The following WDR7 variants were observed in gnomAD, a reference collection of about 807,000 sequenced individuals.
WDR7 encodes the protein WD repeat-containing protein 7.
Under a neutral mutation model 169.4 loss-of-function variants are expected in WDR7, and 46 were observed. The ratio of observed to expected loss-of-function variants is 0.27; its 90% CI spans 0.21 to 0.35. The LOEUF (loss-of-function observed/expected upper bound fraction) is 0.35, where lower values mean the gene tolerates loss of function less well. Among genes scored for constraint, WDR7 ranks in the 10% least tolerant of loss-of-function variants. WDR7 has a pLI of 1.00. For synonymous variants in WDR7, 612 were observed against 666.8 expected (o/e 0.92, Z 1.27); for missense variants, 1,534 against 1,859.3 (o/e 0.83, Z 3.22).
chr18:56,711,613 A>C (rs1397095822), intron 12 of WDR7, among the ~76,000 whole-genome samples: 1 of 152,136 alleles, frequency 6.6e-6, no homozygotes, highest in Non-Finnish European at 1.5e-5. Flanking sequence ...TGTTCACGTA[A>C]TTATCCAATT....
intron 13 of WDR7, among the ~76,000 whole-genome samples, chr18:56,718,471 C>G (rs1195952147): frequency 6.6e-6 from 1 of 152,146 alleles, no homozygotes; most frequent in African/African-American, 2.4e-5. Context: ...TCATTTTTAT[C>G]TCAGGTTTAC....
At chr18:56,901,958 A>G (rs1568257035) in intron 21 of WDR7, among the ~76,000 whole-genome samples, 1 of 152,146 alleles carries the variant, frequency 6.6e-6, no homozygotes, top group Non-Finnish European at 1.5e-5. Flanking sequence ...TGAAGGGCGA[A>G]TACTACTATT....
intron 21 of WDR7, among the ~76,000 whole-genome samples, chr18:56,899,064 T>G (rs1217373381): frequency 6.6e-6 from 1 of 152,138 alleles, no homozygotes; most frequent in Non-Finnish European, 1.5e-5. Flanking sequence ...TCAAAGTAGC[T>G]GATTATGTTA....
intron 16 of WDR7, among the ~76,000 whole-genome samples, chr18:56,762,433 T>G (rs1320462892): frequency 6.6e-6 from 1 of 152,032 alleles, no homozygotes; most frequent in Admixed American, 6.5e-5. Flanking sequence ...AGGCAGTTTT[T>G]AATTCTGGGT....
chr18:56,838,581 T>TA (rs1288830794), intron 20 of WDR7, among the ~76,000 whole-genome samples: 1 of 152,202 alleles, frequency 6.6e-6, no homozygotes, highest in African/African-American at 2.4e-5. Flanking sequence ...CAGAAAGTTT[T>TA]AAAAAATTGT....
chr18:57,005,813 G>A (rs1230513311), intron 26 of WDR7, among the ~76,000 whole-genome samples: 1 of 152,108 alleles, frequency 6.6e-6, no homozygotes, highest in East Asian at 1.9e-4. Flanking sequence ...TAGCTTATGA[G>A]CTAAAAACAA....
intron 21 of WDR7, among the ~76,000 whole-genome samples, chr18:56,916,963 C>T (rs997426530): frequency 1.3e-5 from 2 of 151,952 alleles, no homozygotes; most frequent in African/African-American, 2.4e-5. Context: ...TTTGGGAGGC[C>T]GAGGCAGGCG....
intron 19 of WDR7, among the ~76,000 whole-genome samples, chr18:56,799,146 G>A (rs1274788674): frequency 1.3e-5 from 2 of 152,136 alleles, no homozygotes; most frequent in Non-Finnish European, 2.9e-5. Flanking sequence ...AGATGGTGAA[G>A]GACTCAGTGT....
intron 2 of WDR7, among the ~76,000 whole-genome samples, chr18:56,677,138 TC>T: frequency 6.6e-6 from 1 of 152,326 alleles, no homozygotes; most frequent in South Asian, 2.1e-4. Flanking sequence ...ATCGAAGTAC[TC>T]CCTTTTGCAT....
At chr18:56,877,207 A>C (rs934940672) in intron 20 of WDR7, among the ~76,000 whole-genome samples, 2 of 152,184 alleles carry the variant, frequency 1.3e-5, no homozygotes, top group Admixed American at 6.5e-5. Context: ...TTCCATACCA[A>C]TAAATTTGAA....
chr18:56,865,574 G>A (rs1443767222), intron 20 of WDR7, among the ~76,000 whole-genome samples: 1 of 152,118 alleles, frequency 6.6e-6, no homozygotes, highest in Non-Finnish European at 1.5e-5. Flanking sequence ...GAAGGTTTAT[G>A]TAGAGAAATT....
chr18:57,026,295 C>T (rs1190125495), intron 27 of WDR7, among the ~76,000 whole-genome samples: 1 of 152,134 alleles, frequency 6.6e-6, no homozygotes, highest in Non-Finnish European at 1.5e-5. Context: ...TGCCAAAAAG[C>T]AGAAGTTATC....
rs2047636004 is a variant in WDR7, at chr18:56,980,939, G to A, written c.4164+18410G>A. 1.3e-5 allele frequency among the ~76,000 whole-genome samples: 2 copies of A among 152,116 alleles called. 1 individual carries two copies. The highest frequency in any genetic ancestry group is 4.1e-4 in the South Asian group (2 of 4,826). On this transcript the variant is annotated intron_variant, in intron 26 of 27. Transcript: ENST00000254442. ...CTCAGTGCAGTGAGAAATCATGAAG[G>A]GTTCTGAGCAAGTTACATTATCTGA...
intron 2 of WDR7, among the ~76,000 whole-genome samples, chr18:56,677,994 G>A (rs1298928092): frequency 6.6e-6 from 1 of 151,848 alleles, no homozygotes; most frequent in Non-Finnish European, 1.5e-5. Context: ...TTTCAAATAG[G>A]CCATCTTCAA....
At chr18:56,874,239 G>A (rs981962980) in intron 20 of WDR7, among the ~76,000 whole-genome samples, 3 of 152,018 alleles carry the variant, frequency 2.0e-5, no homozygotes, top group Non-Finnish European at 4.4e-5. Context: ...TAGAATTAAG[G>A]TTCTTCTAAA....
chr18:56,947,911 A>G (rs932146359), intron 25 of WDR7, among the ~76,000 whole-genome samples: 6 of 152,350 alleles, frequency 3.9e-5, no homozygotes, highest in African/African-American at 7.2e-5. Flanking sequence ...GGAAGCTACT[A>G]TCAAGGCTCC....
At chr18:56,851,831 C>T (rs1016577548) in intron 20 of WDR7, among the ~76,000 whole-genome samples, 1 of 152,180 alleles carries the variant, frequency 6.6e-6, no homozygotes, top group Non-Finnish European at 1.5e-5. Context: ...TAGGTGCCTT[C>T]CCCCACCTTC....
chr18:56,842,070 T>A (rs1411025906), intron 20 of WDR7, among the ~76,000 whole-genome samples: 1 of 152,228 alleles, frequency 6.6e-6, no homozygotes, highest in Non-Finnish European at 1.5e-5. Flanking sequence ...TTTCCCTCAC[T>A]GCTTCATCTT....
chr18:56,881,636 A>G (rs2046109567), intron 21 of WDR7, among the ~76,000 whole-genome samples: 1 of 152,122 alleles, frequency 6.6e-6, no homozygotes, highest in South Asian at 2.1e-4. Flanking sequence ...TTTGAGACAG[A>G]GTCTCTCTCT....
Sources: allele counts gnomAD v4.1 joint callset (sites outside exome capture counted in the v4.1 genomes callset), GRCh38; gene constraint gnomAD v4.1.1; transcripts MANE v1.5; gene names NCBI Gene and HGNC (gene_info 2026-07-23, HGNC 2026-07-21).